FGF14: variants seen among roughly 807,000 people sequenced by gnomAD.
The protein encoded by FGF14 is fibroblast growth factor 14, also known as fibroblast growth factor homologous factor 4.
In FGF14, 5 loss-of-function variants were observed where a neutral mutation model predicts 25.5. The observed-to-expected ratio is 0.20, with a 90% confidence interval of 0.10 to 0.41. FGF14 has a LOEUF of 0.41. Ranked by LOEUF, FGF14 falls within the 10% of genes least tolerant of loss-of-function variation. The probability of loss-of-function intolerance (pLI) is 1.00; values close to 1 mark genes in which losing one functional copy is unlikely to be tolerated. For missense variants in FGF14, 222 were observed against 320.1 expected, an observed-to-expected ratio of 0.69 and a Z score of 2.34; for synonymous variants, 138 against 118.3, an observed-to-expected ratio of 1.17 and a Z score of -1.08.
At chr13:101,763,429 T>TGGTA (rs2038170800) in intron 3 of FGF14, among the ~76,000 whole-genome samples, 1 of 152,200 alleles carries the variant, frequency 6.6e-6, no homozygotes, top group Non-Finnish European at 1.5e-5. Flanking sequence ...TTTTTCCTAA[T>TGGTA]AAGGAAATAC....
At chr13:101,992,744 T>C (rs2038974554) in intron 1 of FGF14, among the ~76,000 whole-genome samples, 1 of 151,914 alleles carries the variant, frequency 6.6e-6, no homozygotes, top group Non-Finnish European at 1.5e-5. Flanking sequence ...GGCCAGGGAA[T>C]CATTGGCCTT....
At chr13:101,943,909 G>A (rs1040634038) in intron 1 of FGF14, among the ~76,000 whole-genome samples, 1 of 149,352 alleles carries the variant, frequency 6.7e-6, no homozygotes, top group African/African-American at 2.5e-5. Flanking sequence ...GGCTGAGGCA[G>A]GAGAATCACT....
intron 1 of FGF14, among the ~76,000 whole-genome samples, chr13:102,366,023 A>T (rs1428717688): frequency 6.6e-6 from 1 of 152,158 alleles, no homozygotes; most frequent in Non-Finnish European, 1.5e-5. Flanking sequence ...CATATATAGG[A>T]AGTGTTTGTT....
intron 1 of FGF14, among the ~76,000 whole-genome samples, chr13:102,005,801 T>A (rs1227307683): frequency 6.6e-6 from 1 of 152,208 alleles, no homozygotes; most frequent in Non-Finnish European, 1.5e-5. Context: ...TTTGGAGAAA[T>A]GGACCAATTT....
At chr13:101,933,848 T>C (rs2034925451) in intron 1 of FGF14, among the ~76,000 whole-genome samples, 1 of 152,064 alleles carries the variant, frequency 6.6e-6, no homozygotes, top group Non-Finnish European at 1.5e-5. Context: ...CTAAATATTA[T>C]TGCTCATATG....
chr13:101,902,948 A>C (rs1223115365), intron 1 of FGF14, among the ~76,000 whole-genome samples: 1 of 152,204 alleles, frequency 6.6e-6, no homozygotes, highest in Non-Finnish European at 1.5e-5. Flanking sequence ...CTTCCAAAGA[A>C]AGCCAGCTGA....
intron 3 of FGF14, among the ~76,000 whole-genome samples, chr13:101,747,487 C>T (rs1171953659): frequency 1.3e-5 from 2 of 151,992 alleles, no homozygotes; most frequent in Non-Finnish European, 2.9e-5. Flanking sequence ...GACTCTCCTT[C>T]TAATTGTTAA....
At chr13:101,880,560 C>T (rs544885387) in intron 1 of FGF14, among the ~76,000 whole-genome samples, 21 of 152,292 alleles carry the variant, frequency 1.4e-4, no homozygotes, top group African/African-American at 5.1e-4. Context: ...AGCAAAACTC[C>T]ATCTCAAAAA....
intron 1 of FGF14, among the ~76,000 whole-genome samples, chr13:101,975,967 G>A (rs919523366): frequency 6.6e-6 from 1 of 152,192 alleles, no homozygotes; most frequent in Non-Finnish European, 1.5e-5. Flanking sequence ...GGTTCTGTGG[G>A]AAGCATTTGG....
intron 1 of FGF14, among the ~76,000 whole-genome samples, chr13:101,906,060 C>T (rs2032203331): frequency 1.3e-5 from 2 of 152,144 alleles, no homozygotes; most frequent in Admixed American, 6.6e-5. Context: ...TTTAATTCAT[C>T]AGGTATGAAA....
chr13:102,109,336 CA>C (rs2045098504), intron 1 of FGF14, among the ~76,000 whole-genome samples: 1 of 152,100 alleles, frequency 6.6e-6, no homozygotes, highest in Non-Finnish European at 1.5e-5. Flanking sequence ...ATAAGTTCAA[CA>C]TATCCATTGT....
At chr13:101,840,913 G>A (rs1359246844) in intron 3 of FGF14, among the ~76,000 whole-genome samples, 3 of 151,816 alleles carry the variant, frequency 2.0e-5, no homozygotes, top group African/African-American at 2.4e-5. Flanking sequence ...TGCCATTATC[G>A]GGGCAATTAT....
In FGF14 at chr13:101,714,270, G is replaced by T; in HGVS notation, c.*8561C>A. 1.6e-6 allele frequency: 1 copy of T among 607,500 alleles called. No homozygotes were observed. The highest frequency in any genetic ancestry group is 1.9e-5 in the African/African-American group (1 of 54,046). The allele number at this position is 607,500 out of a possible 1,614,324, so 37.6% of individuals were successfully genotyped here. A position where few individuals can be genotyped will look rare whatever the true frequency, so the allele number is the denominator to read the frequency against. ...GAAGGCTTTCCTGGGTGACCTTTAT[G>T]AATTACAGTAAGTAAAGCTCCCCTC... is the stretch of plus-strand genomic sequence containing the variant. On this transcript the variant is annotated 3_prime_UTR_variant, in exon 5 of 5. Coordinates refer to ENST00000376143, the MANE Select transcript of FGF14 (RefSeq NM_004115.4).
chr13:102,164,665 C>T (rs1293125203), intron 1 of FGF14, among the ~76,000 whole-genome samples: 4 of 152,102 alleles, frequency 2.6e-5, no homozygotes, highest in South Asian at 2.1e-4. Flanking sequence ...TATTCTTAAT[C>T]GGTAGTTAAT....
chr13:102,060,469 T>C (rs1326157798), intron 1 of FGF14, among the ~76,000 whole-genome samples: 3 of 152,238 alleles, frequency 2.0e-5, no homozygotes, highest in East Asian at 1.9e-4. Context: ...GAGCTTGCAG[T>C]GAGCCGAGAT....
At chr13:101,906,537 T>C (rs1351050376) in intron 1 of FGF14, among the ~76,000 whole-genome samples, 4 of 152,140 alleles carry the variant, frequency 2.6e-5, no homozygotes, top group Non-Finnish European at 4.4e-5. Flanking sequence ...AAGAGAATTG[T>C]TGGATTCTGA....
At chr13:101,763,809 G>A (rs1266097076) in intron 3 of FGF14, among the ~76,000 whole-genome samples, 2 of 152,070 alleles carry the variant, frequency 1.3e-5, no homozygotes, top group African/African-American at 4.8e-5. Context: ...GCAGTGAGCC[G>A]AGATTGCACC....
At chr13:102,129,301 T>C (rs1281692005) in intron 1 of FGF14, among the ~76,000 whole-genome samples, 1 of 151,994 alleles carries the variant, frequency 6.6e-6, no homozygotes, top group Non-Finnish European at 1.5e-5. Flanking sequence ...TTAAGGATTT[T>C]TTTTCACTCC....
At position 102,188,997 on chromosome 13, in the gene FGF14, AAAG is replaced by A. The variant is rs1454426938; in HGVS notation, c.208+212471_208+212473del. 7.0e-5 allele frequency among the ~76,000 whole-genome samples: 6 copies of A among 85,588 alleles called. 1 individual carries two copies. The highest frequency in any genetic ancestry group is 1.3e-4 in the Non-Finnish European group (6 of 45,348). The allele number at this position is 85,588 out of a possible 152,430, so 56.1% of individuals were successfully genotyped here. A position where few individuals can be genotyped will look rare whatever the true frequency, so the allele number is the denominator to read the frequency against. On this transcript the variant is annotated intron_variant, in intron 1 of 4. Coordinates refer to the FGF14 transcript ENST00000376131. Reference sequence around the variant, plus strand: ...GAAAGAAAGAAAGAAAGAAAGAAAGAAAGAAAGAAAGAGAAAGAATGAAAGAAG... The same window carrying A: ...GAAAGAAAGAAAGAAAGAAAGAAAGAAAAGAAAGAGAAAGAATGAAAGAAG...
Sources: gnomAD v4.1 joint callset for allele counts (sites outside exome capture counted in the v4.1 genomes callset) on GRCh38, gnomAD v4.1.1 for gene constraint, MANE v1.5 for transcripts, NCBI Gene and HGNC (gene_info 2026-07-23, HGNC 2026-07-21) for gene names.